The following MGAT5 variants were observed in gnomAD, a reference collection of about 807,000 sequenced individuals.
MGAT5 encodes alpha-1,6-mannosylglycoprotein 6-beta-N-acetylglucosaminyltransferase A.
In MGAT5, 30 loss-of-function variants were observed where a neutral mutation model predicts 94.3. The observed-to-expected ratio is 0.32, with a 90% CI of 0.24 to 0.43. MGAT5 has a LOEUF of 0.43. Among genes scored for constraint, MGAT5 ranks in the 20% least tolerant of loss-of-function variants. The probability of loss-of-function intolerance (pLI) is 1.00; values close to 1 mark genes in which losing one functional copy is unlikely to be tolerated. For synonymous variants in MGAT5, 310 were observed against 322.9 expected (o/e 0.96, Z 0.43); for missense variants, 691 against 905.5 (o/e 0.76, Z 3.04).
At chr2:134,152,630 G>A (rs1687277565) in intron 1 of MGAT5, among the ~76,000 whole-genome samples, 1 of 152,214 alleles carries the variant, frequency 6.6e-6, no homozygotes, top group South Asian at 2.1e-4. Flanking sequence ...ACAAAATAAT[G>A]AACTATCTGT....
chr2:134,195,791 G>T (rs1178030709), intron 1 of MGAT5, among the ~76,000 whole-genome samples: 1 of 152,160 alleles, frequency 6.6e-6, no homozygotes, highest in Non-Finnish European at 1.5e-5. Context: ...TAATGGCTGG[G>T]TAATCTTATT....
At chr2:134,182,250 C>A (rs1325108056) in intron 1 of MGAT5, among the ~76,000 whole-genome samples, 1 of 152,142 alleles carries the variant, frequency 6.6e-6, no homozygotes, top group Non-Finnish European at 1.5e-5. Flanking sequence ...GAGGGAATTT[C>A]AATTAGTGAT....
intron 2 of MGAT5, among the ~76,000 whole-genome samples, chr2:134,289,308 G>A (rs1039970760): frequency 7.9e-5 from 12 of 152,142 alleles, no homozygotes; most frequent in Non-Finnish European, 1.3e-4. Flanking sequence ...CTTGGGGAAC[G>A]CTTTTCTCTT....
Position 134,331,743 on chromosome 2 carries a change from G to A in MGAT5, c.574-4474G>A, listed in dbSNP as rs79315771. ...GAAAGTGTGAAGGAAGGTGGTCATA[G>A]ACAGCTGTAGGACGCTAGGGCTCTG... On this transcript the variant is annotated intron_variant, in intron 4 of 15. Transcript: ENST00000281923. Among the ~76,000 whole-genome samples the A allele has an allele frequency of 4.1e-3, 620 of 151,746 alleles. 3 individuals carry two copies. The highest frequency in any genetic ancestry group is 0.015 in the African/African-American group (600 of 41,120).
intron 1 of MGAT5, among the ~76,000 whole-genome samples, chr2:134,206,929 T>G (rs890862368): frequency 2.0e-5 from 3 of 152,240 alleles, no homozygotes; most frequent in Non-Finnish European, 2.9e-5. Context: ...AGTCTGGAAC[T>G]GTGAGAGAAG....
At chr2:134,277,429 C>T (rs993372537) in intron 2 of MGAT5, among the ~76,000 whole-genome samples, 1 of 152,074 alleles carries the variant, frequency 6.6e-6, no homozygotes, top group Non-Finnish European at 1.5e-5. Context: ...TCTTACATGG[C>T]GACAGGAGAG....
At chr2:134,432,237 T>A (rs948041672) in intron 14 of MGAT5, among the ~76,000 whole-genome samples, 5 of 152,258 alleles carry the variant, frequency 3.3e-5, no homozygotes, top group African/African-American at 1.2e-4. Flanking sequence ...TTGAATTATA[T>A]TTTCTGTTTC....
intron 15 of MGAT5, among the ~76,000 whole-genome samples, chr2:134,446,467 T>C (rs1387093466): frequency 1.3e-5 from 2 of 152,128 alleles, no homozygotes; most frequent in African/African-American, 4.8e-5. Flanking sequence ...TAAACCTGTA[T>C]CCCAAGGTCA....
intron 1 of MGAT5, among the ~76,000 whole-genome samples, chr2:134,127,850 T>C (rs1368364313): frequency 1.3e-5 from 2 of 152,230 alleles, no homozygotes; most frequent in Non-Finnish European, 2.9e-5. Context: ...TTAGTTTCTT[T>C]AGTCTATCCT....
intron 1 of MGAT5, among the ~76,000 whole-genome samples, chr2:134,187,031 A>G (rs1353982972): frequency 6.6e-6 from 1 of 152,190 alleles, no homozygotes; most frequent in Non-Finnish European, 1.5e-5. Context: ...TCCGTGAGGA[A>G]GAGAGGGTAC....
intron 1 of MGAT5, among the ~76,000 whole-genome samples, chr2:134,137,491 C>T (rs957747972): frequency 6.6e-6 from 1 of 152,200 alleles, no homozygotes; most frequent in Non-Finnish European, 1.5e-5. Context: ...TTGTACTGCA[C>T]CTCGTCAGGC....
At chr2:134,403,916 C>T (rs906718329) in intron 11 of MGAT5, among the ~76,000 whole-genome samples, 2 of 152,140 alleles carry the variant, frequency 1.3e-5, no homozygotes, top group Non-Finnish European at 1.5e-5. Context: ...AGCATGATGA[C>T]GTGTTGCTTT....
At chr2:134,330,042 T>C (rs1026912216) in intron 4 of MGAT5, among the ~76,000 whole-genome samples, 1 of 152,172 alleles carries the variant, frequency 6.6e-6, no homozygotes, top group African/African-American at 2.4e-5. Context: ...GTCATCAGTA[T>C]AACAAATGTG....
chr2:134,281,475 G>A (rs1684690744), intron 2 of MGAT5, among the ~76,000 whole-genome samples: 1 of 152,154 alleles, frequency 6.6e-6, no homozygotes. Flanking sequence ...CCCTCAACTT[G>A]TAGATGCATT....
At chr2:134,191,945 G>A (rs1286614629) in intron 1 of MGAT5, among the ~76,000 whole-genome samples, 4 of 135,558 alleles carry the variant, frequency 3.0e-5, no homozygotes, top group Non-Finnish European at 4.7e-5. Flanking sequence ...GTGGATTCGT[G>A]CCCTCCTTCT....
At chr2:134,150,156 G>C (rs957310716) in intron 1 of MGAT5, among the ~76,000 whole-genome samples, 1 of 151,992 alleles carries the variant, frequency 6.6e-6, no homozygotes, top group African/African-American at 2.4e-5. Flanking sequence ...AGCACTGTGA[G>C]GCTCCTGGCA....
chr2:134,413,126 G>T (rs1287076306), intron 12 of MGAT5, 111 bp downstream of exon 12: 1 of 1,251,550 alleles, frequency 8.0e-7, no homozygotes, highest in South Asian at 1.4e-5. Flanking sequence ...GAGGGTGAGG[G>T]TATAGAGGCT....
At chr2:134,317,235 C>T (rs1053312689) in intron 2 of MGAT5, among the ~76,000 whole-genome samples, 1 of 152,114 alleles carries the variant, frequency 6.6e-6, no homozygotes, top group African/African-American at 2.4e-5. Flanking sequence ...TTCTTAGTTT[C>T]CCTATTGCTG....
intron 1 of MGAT5, among the ~76,000 whole-genome samples, chr2:134,267,535 G>A (rs1381053726): frequency 6.6e-6 from 1 of 151,778 alleles, no homozygotes; most frequent in Non-Finnish European, 1.5e-5. Flanking sequence ...CACAGTCACA[G>A]AAGGTCAATC....
Sources: allele counts gnomAD v4.1 joint callset (sites outside exome capture counted in the v4.1 genomes callset), GRCh38; gene constraint gnomAD v4.1.1; transcripts MANE v1.5; gene names NCBI Gene and HGNC (gene_info 2026-07-23, HGNC 2026-07-21).